The following LRRC7 variants were observed in gnomAD, a reference collection of about 807,000 sequenced individuals.
LRRC7 encodes the protein leucine rich repeat containing 7.
A neutral mutation model predicts 175.7 loss-of-function variants in LRRC7; 23 were observed. The ratio of observed to expected loss-of-function variants is 0.13; its 90% confidence interval spans 0.09 to 0.19. The LOEUF is 0.19. Among genes scored for constraint, LRRC7 ranks in the 10% least tolerant of loss-of-function variants. LRRC7 has a pLI of 1.00. For missense variants in LRRC7, 1,354 were observed against 1,904.7 expected (o/e 0.71, Z 5.38); for synonymous variants, 685 against 680.9 (o/e 1.01, Z -0.09).
At chr1:69,660,497 A>G (rs1657298253) in intron 1 of LRRC7, among the ~76,000 whole-genome samples, 1 of 152,112 alleles carries the variant, frequency 6.6e-6, no homozygotes, top group Admixed American at 6.6e-5. Flanking sequence ...GTTGATATGC[A>G]GTAAGGTAAA....
At chr1:69,884,756 C>G (rs1302033539) in intron 7 of LRRC7, among the ~76,000 whole-genome samples, 2 of 147,048 alleles carry the variant, frequency 1.4e-5, no homozygotes, top group Non-Finnish European at 3.0e-5. Context: ...GTGGGTTTGT[C>G]ATAGGTAGCT....
chr1:69,774,193 G>A (rs1287442159), intron 3 of LRRC7, among the ~76,000 whole-genome samples: 1 of 152,198 alleles, frequency 6.6e-6, no homozygotes, highest in Admixed American at 6.5e-5. Context: ...GCATCACCTT[G>A]AGAGAGCAAT....
intron 7 of LRRC7, among the ~76,000 whole-genome samples, chr1:69,860,487 C>T (rs1557822183): frequency 6.6e-6 from 1 of 151,852 alleles, no homozygotes; most frequent in Non-Finnish European, 1.5e-5. Context: ...GTAGAAATAA[C>T]GATGAGTGAC....
At chr1:70,056,059 G>C (rs912434779) in intron 23 of LRRC7, among the ~76,000 whole-genome samples, 1 of 152,170 alleles carries the variant, frequency 6.6e-6, no homozygotes, top group Non-Finnish European at 1.5e-5. Context: ...AGAGAGAAGA[G>C]TTTAGGTTTT....
intron 3 of LRRC7, among the ~76,000 whole-genome samples, chr1:69,785,988 A>G (rs1674366274): frequency 6.6e-6 from 1 of 152,186 alleles, no homozygotes; most frequent in African/African-American, 2.4e-5. Flanking sequence ...TTTACATTTT[A>G]AGTTTCATAA....
At chr1:69,698,251 C>T (rs528629533) in intron 2 of LRRC7, among the ~76,000 whole-genome samples, 6 of 152,170 alleles carry the variant, frequency 3.9e-5, no homozygotes, top group African/African-American at 9.7e-5. Flanking sequence ...AAAGTGCAAT[C>T]GAGAGAGCCT....
intron 8 of LRRC7, among the ~76,000 whole-genome samples, chr1:69,938,087 A>T (rs1179028005): frequency 6.6e-6 from 1 of 152,050 alleles, no homozygotes; most frequent in Non-Finnish European, 1.5e-5. Flanking sequence ...AAAAATATTT[A>T]AAGAGCAAGA....
chr1:69,870,819 T>C (rs1685456178), intron 7 of LRRC7, among the ~76,000 whole-genome samples: 1 of 152,140 alleles, frequency 6.6e-6, no homozygotes, highest in African/African-American at 2.4e-5. Flanking sequence ...CATAGATAAT[T>C]ATGCTTCCAT....
chr1:69,778,059 T>C (rs1316149576), intron 3 of LRRC7, among the ~76,000 whole-genome samples: 1 of 152,204 alleles, frequency 6.6e-6, no homozygotes, highest in Non-Finnish European at 1.5e-5. Flanking sequence ...TTAGGAAGTG[T>C]TCCTGAAACA....
chr1:69,600,682 C>T (rs1019504233), intron 1 of LRRC7, among the ~76,000 whole-genome samples: 1 of 151,458 alleles, frequency 6.6e-6, no homozygotes, highest in Non-Finnish European at 1.5e-5. Context: ...TTTCCCCATG[C>T]TTTTTTCTTA....
chr1:70,074,215 A>G (rs530268576), intron 23 of LRRC7, among the ~76,000 whole-genome samples: 1 of 152,130 alleles, frequency 6.6e-6, no homozygotes, highest in African/African-American at 2.4e-5. Context: ...AAAAAAAAAA[A>G]AAAATACATC....
intron 7 of LRRC7, among the ~76,000 whole-genome samples, chr1:69,903,360 G>T (rs1646193285): frequency 6.6e-6 from 1 of 152,148 alleles, no homozygotes; most frequent in African/African-American, 2.4e-5. Flanking sequence ...CGCCTCACCT[G>T]GGAAGCACAA....
chr1:69,708,207 A>G (rs896836016), intron 2 of LRRC7, among the ~76,000 whole-genome samples: 1 of 152,212 alleles, frequency 6.6e-6, no homozygotes, highest in Non-Finnish European at 1.5e-5. Flanking sequence ...TGCTATATAT[A>G]TAAGTGAATT....
At chr1:69,594,316 C>T (rs888423414) in intron 1 of LRRC7, among the ~76,000 whole-genome samples, 2 of 152,066 alleles carry the variant, frequency 1.3e-5, no homozygotes, top group African/African-American at 2.4e-5. Context: ...AGATTATGAA[C>T]GTTATGACTT....
intron 8 of LRRC7, among the ~76,000 whole-genome samples, chr1:69,953,761 C>CTA (rs1448106770): frequency 1.3e-5 from 2 of 152,042 alleles, no homozygotes; most frequent in South Asian, 2.1e-4. Flanking sequence ...TGTGTCCACA[C>CTA]AGTGTATGTT....
chr1:69,693,496 C>G (rs184859027), intron 2 of LRRC7, among the ~76,000 whole-genome samples: 1 of 152,248 alleles, frequency 6.6e-6, no homozygotes, highest in East Asian at 1.9e-4. Context: ...CATTGCCATT[C>G]AAGTCTAAAA....
At chr1:69,951,832 G>A (rs1216979408) in intron 8 of LRRC7, among the ~76,000 whole-genome samples, 3 of 151,868 alleles carry the variant, frequency 2.0e-5, no homozygotes, top group African/African-American at 7.3e-5. Context: ...GATAACTGTT[G>A]GGTACCAGGC....
At chr1:69,946,115 G>A (rs530071803) in intron 8 of LRRC7, among the ~76,000 whole-genome samples, 3 of 152,180 alleles carry the variant, frequency 2.0e-5, no homozygotes, top group East Asian at 1.9e-4. Context: ...TGGGCTTGTC[G>A]TGCATGACCT....
chr1:70,059,782 C>T (rs1156798282), intron 23 of LRRC7, among the ~76,000 whole-genome samples: 3 of 151,686 alleles, frequency 2.0e-5, no homozygotes, highest in Non-Finnish European at 2.9e-5. Flanking sequence ...ACCATATGGC[C>T]AAATCATCAT....
Sources: allele counts gnomAD v4.1 joint callset (sites outside exome capture counted in the v4.1 genomes callset), GRCh38; gene constraint gnomAD v4.1.1; transcripts MANE v1.5; gene names NCBI Gene and HGNC (gene_info 2026-07-23, HGNC 2026-07-21).